Variants in LGR5 observed in about 807,000 individuals in gnomAD.
LGR5 encodes leucine rich repeat containing G protein-coupled receptor 5, also known as leucine-rich repeat-containing G protein-coupled receptor 5.
Under a neutral mutation model 76.7 loss-of-function variants are expected in LGR5, and 54 were observed. That is an observed-to-expected ratio of 0.70 (90% CI 0.57 to 0.88). The LOEUF (loss-of-function observed/expected upper bound fraction) is 0.88. LGR5 is among the 40% of genes least tolerant of loss of function. The pLI is 0.00. For synonymous variants in LGR5, 406 were observed against 421.9 expected (o/e 0.96, Z 0.46); for missense variants, 1,078 against 1,073.3 (o/e 1.00, Z -0.06).
intron 2 of LGR5, among the ~76,000 whole-genome samples, chr12:71,508,095 G>A (rs1245122216): frequency 6.6e-6 from 1 of 151,804 alleles, no homozygotes; most frequent in Non-Finnish European, 1.5e-5. Flanking sequence ...GGGAGTAGTG[G>A]TGGGCACCTG....
chr12:71,550,395 A>C (rs932587092), intron 4 of LGR5, among the ~76,000 whole-genome samples: 1 of 149,776 alleles, frequency 6.7e-6, no homozygotes, highest in Non-Finnish European at 1.5e-5. Context: ...TGTCTCCCTA[A>C]GTTCTGGGAT....
chr12:71,566,489 T>C lies in LGR5; in HGVS notation c.929+14T>C. 2 of 1,581,358 alleles carry C rather than the reference T, an allele frequency of 1.3e-6. No homozygotes were observed. Among genetic ancestry groups the C allele is most frequent in the Non-Finnish European group, 1.7e-6 (2 of 1,150,766 alleles). On this transcript the variant is annotated intron_variant, in intron 9 of 17. Transcript: ENST00000266674. ...ACTAAGAACACTGTAAGTTTCTATG[T>C]CTCTTATGGATCACTTTCCCTCTAC... is the stretch of plus-strand genomic sequence containing the variant.
At chr12:71,497,182 G>A (rs564753373) in intron 1 of LGR5, among the ~76,000 whole-genome samples, 1 of 152,108 alleles carries the variant, frequency 6.6e-6, no homozygotes, top group Non-Finnish European at 1.5e-5. Context: ...AAGTATGGTA[G>A]TGCAAACCTG....
intron 5 of LGR5, among the ~76,000 whole-genome samples, chr12:71,553,889 G>A (rs1441567146): frequency 4.6e-5 from 7 of 152,126 alleles, no homozygotes; most frequent in Non-Finnish European, 7.4e-5. Context: ...TCAGGAGTTC[G>A]AGGCCAGCCT....
chr12:71,528,864 A>G (rs374249646), intron 3 of LGR5, among the ~76,000 whole-genome samples: 15 of 152,210 alleles, frequency 9.9e-5, no homozygotes, highest in Non-Finnish European at 2.1e-4. Flanking sequence ...TCTGTTGCCT[A>G]TGGAGGGATC....
At chr12:71,473,623 TTAAATAAA>T (rs142775308) in intron 1 of LGR5, among the ~76,000 whole-genome samples, 2,791 of 151,308 alleles carry the variant, frequency 0.018, 99 homozygotes, top group African/African-American at 0.064. Flanking sequence ...AATATTTTTA[TTAAATAAA>T]TAAATAAATA....
At chr12:71,492,183 C>G (rs932132773) in intron 1 of LGR5, among the ~76,000 whole-genome samples, 1 of 152,140 alleles carries the variant, frequency 6.6e-6, no homozygotes, top group Non-Finnish European at 1.5e-5. Context: ...ATAAGTTTGG[C>G]TTTCAACGTT....
intron 1 of LGR5, among the ~76,000 whole-genome samples, chr12:71,499,020 TTA>T: frequency 6.6e-6 from 1 of 152,058 alleles, no homozygotes. Flanking sequence ...GACCGTGAAT[TTA>T]TAGTCACCGA....
intron 1 of LGR5, among the ~76,000 whole-genome samples, chr12:71,502,442 C>T (rs1042639440): frequency 2.0e-5 from 3 of 152,110 alleles, no homozygotes; most frequent in Non-Finnish European, 4.4e-5. Context: ...GGGTGACCCA[C>T]CTGCCTCAGC....
intron 8 of LGR5, among the ~76,000 whole-genome samples, chr12:71,564,815 TATAG>T (rs1247756558): frequency 2.7e-5 from 4 of 149,832 alleles, no homozygotes; most frequent in African/African-American, 9.8e-5. Context: ...ACACACTGTA[TATAG>T]ATACACATAT....
In LGR5 at chr12:71,578,940, C is replaced by A; in HGVS notation, c.1406+11C>A. 6.3e-7 allele frequency: 1 copy of A among 1,590,628 alleles called. No individual in the cohort carries two copies. The highest frequency in any genetic ancestry group is 8.5e-7 in the Non-Finnish European group (1 of 1,169,786). On this transcript the variant is annotated intron_variant, in intron 15 of 17. Transcript: ENST00000266674. ...CTTTCCAGAACTCAAGTGAGTTTGT[C>A]ATTAAAACTAATAAGATACATTTGT...
intron 3 of LGR5, 128 bp downstream of exon 3, chr12:71,524,605 T>C (rs1356665586): frequency 1.7e-6 from 1 of 590,696 alleles, no homozygotes; most frequent in East Asian, 3.1e-5. Flanking sequence ...TAAATTCAAG[T>C]TTACTTCATT....
chr12:71,566,579 T>C (rs377304651), intron 9 of LGR5, 53 bp from the exon 10 acceptor site: 103 of 1,550,136 alleles, frequency 6.6e-5, no homozygotes, highest in Non-Finnish European at 8.9e-5. Context: ...GCAATAAAAA[T>C]TACCCCTGTC....
Position 71,535,058 on chromosome 12 carries a change from T to G in LGR5, c.357-57T>G, listed in dbSNP as rs1193343886. On this transcript the variant is annotated intron_variant, in intron 3 of 17. Transcript: ENST00000266674. ...ACCTGGAACAGTGCCTGGCCTTGTTTAGGCCTGTTATTGTTCATTTTTTTT... is the reference window on the plus strand; with the variant it reads ...ACCTGGAACAGTGCCTGGCCTTGTTGAGGCCTGTTATTGTTCATTTTTTTT... 1.6e-5 allele frequency: 19 copies of G among 1,215,232 alleles called. No individual in the cohort carries two copies. The Admixed American group carries it at 3.1e-4, about 20-fold the overall frequency. 75.3% of individuals were successfully genotyped at this position (1,215,232 alleles called of 1,614,324 possible).
At chr12:71,529,763 C>T (rs1876207119) in intron 3 of LGR5, among the ~76,000 whole-genome samples, 1 of 152,066 alleles carries the variant, frequency 6.6e-6, no homozygotes, top group Admixed American at 6.6e-5. Flanking sequence ...TAAGACCAAC[C>T]TGGCCAACAT....
At chr12:71,551,081 G>A (rs1241648503) in intron 4 of LGR5, among the ~76,000 whole-genome samples, 2 of 152,188 alleles carry the variant, frequency 1.3e-5, no homozygotes, top group Non-Finnish European at 2.9e-5. Flanking sequence ...TTCTGTTGCT[G>A]ACAATGATAG....
chr12:71,555,210 T>C (rs1467305024), intron 5 of LGR5, among the ~76,000 whole-genome samples: 1 of 152,180 alleles, frequency 6.6e-6, no homozygotes, highest in Non-Finnish European at 1.5e-5. Context: ...TTTTGTGATA[T>C]TAAAAAATTT....
At position 71,508,650 on chromosome 12, in the gene LGR5, A is replaced by G. The variant is rs375638132; in HGVS notation, c.284+3965A>G. On this transcript the variant is annotated intron_variant, in intron 2 of 17. Transcript: ENST00000266674. ...GCGCCTGTAGTTCCAGCTACTCAGGAGGCTGAGGCAGTAGAATCGCTTGAA... is the reference window on the plus strand; with the variant it reads ...GCGCCTGTAGTTCCAGCTACTCAGGGGGCTGAGGCAGTAGAATCGCTTGAA... Among the ~76,000 whole-genome samples, 7 of 146,182 alleles carry G rather than the reference A, an allele frequency of 4.8e-5. No individual in the cohort carries two copies. The South Asian group carries it at 1.6e-3, about 33-fold the overall frequency.
intron 1 of LGR5, among the ~76,000 whole-genome samples, chr12:71,504,141 G>GA (rs1874740282): frequency 6.6e-6 from 1 of 150,886 alleles, no homozygotes; most frequent in African/African-American, 2.4e-5. Context: ...TTTTGTTGTT[G>GA]TTGTTGTTTT....
Sources: gnomAD v4.1 joint callset for allele counts (sites outside exome capture counted in the v4.1 genomes callset) on GRCh38, gnomAD v4.1.1 for gene constraint, MANE v1.5 for transcripts, NCBI Gene and HGNC (gene_info 2026-07-23, HGNC 2026-07-21) for gene names.